The following ATG5 variants were observed in gnomAD, a reference collection of about 807,000 sequenced individuals.
ATG5 encodes autophagy protein 5.
In ATG5, 14 loss-of-function variants were observed where a neutral mutation model predicts 36.5. The ratio of observed to expected loss-of-function variants is 0.38; its 90% CI spans 0.25 to 0.60. The LOEUF (loss-of-function observed/expected upper bound fraction) is 0.60. Ranked by LOEUF, ATG5 falls within the 20% of genes least tolerant of loss-of-function variation. The probability of loss-of-function intolerance (pLI) is 0.60; values close to 1 mark genes in which losing one functional copy is unlikely to be tolerated. For missense variants in ATG5, 195 were observed against 326.7 expected, an observed-to-expected ratio of 0.60 and a Z score of 3.11; for synonymous variants, 95 against 101.5, an observed-to-expected ratio of 0.94 and a Z score of 0.38.
intron 6 of ATG5, among the ~76,000 whole-genome samples, chr6:106,231,029 C>T (rs1777665077): frequency 6.6e-6 from 1 of 151,970 alleles, no homozygotes; most frequent in Admixed American, 6.6e-5. Flanking sequence ...TAATAAGGAC[C>T]CCCCTTCAAC....
At chr6:106,276,290 C>G (rs1319172697) in intron 5 of ATG5, among the ~76,000 whole-genome samples, 2 of 152,014 alleles carry the variant, frequency 1.3e-5, no homozygotes, top group Non-Finnish European at 2.9e-5. Context: ...TGGTGAAACC[C>G]CGTCTCTACT....
intron 5 of ATG5, among the ~76,000 whole-genome samples, chr6:106,275,503 A>T (rs568955431): frequency 3.9e-5 from 6 of 152,234 alleles, no homozygotes; most frequent in African/African-American, 1.4e-4. Context: ...CTACAAAAAT[A>T]ATTTATAACC....
At chr6:106,269,872 A>T (rs1779384962) in intron 5 of ATG5, among the ~76,000 whole-genome samples, 1 of 152,228 alleles carries the variant, frequency 6.6e-6, no homozygotes, top group Admixed American at 6.5e-5. Flanking sequence ...CGGTGGGCTG[A>T]AGGGCTCAAG....
chr6:106,256,476 G>A (rs1778803485), intron 5 of ATG5, among the ~76,000 whole-genome samples: 1 of 152,104 alleles, frequency 6.6e-6, no homozygotes, highest in African/African-American at 2.4e-5. Context: ...TATAGCCAGC[G>A]TTAACAACCT....
At chr6:106,273,213 G>A (rs1475786557) in intron 5 of ATG5, among the ~76,000 whole-genome samples, 1 of 152,154 alleles carries the variant, frequency 6.6e-6, no homozygotes, top group Non-Finnish European at 1.5e-5. Flanking sequence ...AACAGAACCT[G>A]ACACTGTAAC....
chr6:106,237,934 G>T (rs1489696529), intron 6 of ATG5, among the ~76,000 whole-genome samples: 1 of 152,086 alleles, frequency 6.6e-6, no homozygotes, highest in African/African-American at 2.4e-5. Flanking sequence ...TTCTTCTTGG[G>T]TATTTAATCA....
In ATG5 at chr6:106,325,545, C is replaced by A. The variant is rs1366737059; in HGVS notation, c.-78G>T. 2.6e-5 allele frequency: 4 copies of A among 152,912 alleles called. No homozygotes were observed. Among genetic ancestry groups the A allele is most frequent in the Non-Finnish European group, 5.9e-5 (4 of 68,286 alleles). 9.5% of individuals were successfully genotyped at this position (152,912 alleles called of 1,614,324 possible). On this transcript the variant is annotated 5_prime_UTR_variant, in exon 1 of 8. Transcript: ENST00000369076. The stretch of plus-strand genomic sequence containing the variant: ...ACGTACCCTACTCCAAGCTATGGCT[C>A]CTCCTTCCGGCTCCCCGCACTGGTG...
intron 3 of ATG5, among the ~76,000 whole-genome samples, chr6:106,300,829 T>C (rs1770178787): frequency 6.6e-6 from 1 of 151,806 alleles, no homozygotes; most frequent in African/African-American, 2.4e-5. Context: ...GAGTATGTAT[T>C]TTTTTTTACA....
chr6:106,236,429 C>G (rs1777908224), intron 6 of ATG5, among the ~76,000 whole-genome samples: 1 of 152,150 alleles, frequency 6.6e-6, no homozygotes, highest in Admixed American at 6.5e-5. Flanking sequence ...GTGATTTGTA[C>G]CATTTTACAC....
intron 7 of ATG5, among the ~76,000 whole-genome samples, chr6:106,197,187 A>G (rs1345983032): frequency 6.6e-6 from 1 of 152,234 alleles, no homozygotes; most frequent in Non-Finnish European, 1.5e-5. Flanking sequence ...CATATTTTAA[A>G]AAGTAGATTG....
chr6:106,265,082 G>A (rs907110425), intron 5 of ATG5, among the ~76,000 whole-genome samples: 4 of 147,608 alleles, frequency 2.7e-5, no homozygotes, highest in Admixed American at 1.4e-4. Context: ...TCAGTGTGCT[G>A]TATTCAGGAG....
At chr6:106,187,352 C>G (rs1159462508) in intron 7 of ATG5, among the ~76,000 whole-genome samples, 1 of 152,124 alleles carries the variant, frequency 6.6e-6, no homozygotes, top group Non-Finnish European at 1.5e-5. Context: ...TTACACCTTT[C>G]TTTTAAATTC....
chr6:106,189,861 G>C (rs1775905966), intron 7 of ATG5, among the ~76,000 whole-genome samples: 1 of 152,042 alleles, frequency 6.6e-6, no homozygotes, highest in Non-Finnish European at 1.5e-5. Flanking sequence ...TTTAAAAAAA[G>C]CTAGCTTGAA....
At chr6:106,246,410 ACAC>A (rs1778341102) in intron 6 of ATG5, among the ~76,000 whole-genome samples, 1 of 150,784 alleles carries the variant, frequency 6.6e-6, no homozygotes, top group African/African-American at 2.5e-5. Flanking sequence ...ACACACACAC[ACAC>A]ACACACACAC....
intron 6 of ATG5, among the ~76,000 whole-genome samples, chr6:106,226,540 A>C (rs888929705): frequency 6.6e-6 from 1 of 152,204 alleles, no homozygotes; most frequent in Non-Finnish European, 1.5e-5. Flanking sequence ...AAGAACTAAA[A>C]AAAAGTTTAT....
intron 6 of ATG5, among the ~76,000 whole-genome samples, chr6:106,212,996 TA>T (rs1223740654): frequency 6.6e-6 from 1 of 152,158 alleles, no homozygotes; most frequent in Non-Finnish European, 1.5e-5. Context: ...GTCCATGTTT[TA>T]AAAAAGCTTT....
chr6:106,219,407 C>CA (rs1451399911), intron 6 of ATG5, among the ~76,000 whole-genome samples: 2 of 152,190 alleles, frequency 1.3e-5, no homozygotes, highest in African/African-American at 4.8e-5. Context: ...CTAACACAGT[C>CA]AGCCCTCCCT....
At position 106,300,827 on chromosome 6, in the gene ATG5, A is replaced by AT. The variant is rs1031533577; in HGVS notation, c.236+7536dup. ...AAAATCATGTAGCCCAAGAGTATGTATTTTTTTTTACAATTCAAAAAGTAA... is the reference window on the plus strand; with the variant it reads ...AAAATCATGTAGCCCAAGAGTATGTATTTTTTTTTTACAATTCAAAAAGTAA... On this transcript the variant is annotated intron_variant, in intron 3 of 7. Transcript: ENST00000369076. 5.3e-5 allele frequency among the ~76,000 whole-genome samples: 8 copies of AT among 151,390 alleles called. No homozygotes were observed. In the East Asian group the frequency reaches 9.7e-4, roughly 18 times the overall value.
At chr6:106,272,913 C>T (rs926938414) in intron 5 of ATG5, among the ~76,000 whole-genome samples, 10 of 152,238 alleles carry the variant, frequency 6.6e-5, no homozygotes, top group Admixed American at 2.0e-4. Context: ...TTTCCAAAAA[C>T]TCACACAGAC....
Sources: allele counts gnomAD v4.1 joint callset (sites outside exome capture counted in the v4.1 genomes callset), GRCh38; gene constraint gnomAD v4.1.1; transcripts MANE v1.5; gene names NCBI Gene and HGNC (gene_info 2026-07-23, HGNC 2026-07-21).